The following LRRC69 variants were observed in gnomAD, a reference collection of about 807,000 sequenced individuals.
LRRC69 encodes leucine-rich repeat-containing protein 69.
LRRC69 carries 42 observed loss-of-function variants against 37.8 expected under a neutral mutation model. The ratio of observed to expected loss-of-function variants is 1.11; its 90% CI spans 0.87 to 1.44. The LOEUF is 1.44. Ranked by LOEUF, LRRC69 falls within the 40% of genes most tolerant of loss-of-function variation. The pLI is 0.00. For missense variants in LRRC69, 357 were observed against 401.9 expected (o/e 0.89, Z 0.96); for synonymous variants, 141 against 143.1 (o/e 0.99, Z 0.11).
chr8:91,215,942 A>G (rs1340231973), intron 7 of LRRC69, among the ~76,000 whole-genome samples: 1 of 152,210 alleles, frequency 6.6e-6, no homozygotes, highest in Non-Finnish European at 1.5e-5. Context: ...AAGGGCAGCA[A>G]GTGTTAAGGT....
At chr8:91,201,490 A>G (rs900099209) in intron 7 of LRRC69, among the ~76,000 whole-genome samples, 4 of 148,612 alleles carry the variant, frequency 2.7e-5, no homozygotes, top group Admixed American at 1.3e-4. Context: ...ATGTTAACAT[A>G]TCATGAAATA....
intron 3 of LRRC69, among the ~76,000 whole-genome samples, chr8:91,127,734 C>T (rs1181136288): frequency 6.6e-6 from 1 of 151,548 alleles, no homozygotes; most frequent in Admixed American, 6.6e-5. Context: ...TGGGCTTTTC[C>T]TCTGACAGAT....
At chr8:91,177,165 G>A (rs1019406535) in intron 5 of LRRC69, among the ~76,000 whole-genome samples, 3 of 151,944 alleles carry the variant, frequency 2.0e-5, no homozygotes, top group Non-Finnish European at 4.4e-5. Context: ...AACCATAGAT[G>A]GCAATTTTAA....
At chr8:91,189,738 T>G (rs1809462174) in intron 6 of LRRC69, 115 bp downstream of exon 6, 1 of 609,386 alleles carries the variant, frequency 1.6e-6, no homozygotes, top group Non-Finnish European at 2.7e-6. Flanking sequence ...GTAATCCTAG[T>G]CCATTGGCAA....
chr8:91,210,958 C>A (rs1157103088), intron 7 of LRRC69, among the ~76,000 whole-genome samples: 1 of 151,986 alleles, frequency 6.6e-6, no homozygotes, highest in East Asian at 1.9e-4. Context: ...AAACTATATA[C>A]CACCAAAGTT....
rs1808725538 is a variant in LRRC69 at position 91,150,978 on chromosome 8, TTTTC to T, written c.651+15243_651+15246del. ...GTGTCTGTTTCATTCTTCTCTCTTT[TTTTC>T]TTTATTAGTCTTGCTAGTGGTCTAT... On this transcript the variant is annotated intron_variant, in intron 5 of 7. Transcript: ENST00000448384. Among the ~76,000 whole-genome samples, 6 of 152,082 alleles carry T rather than the reference TTTTC, an allele frequency of 3.9e-5. No homozygotes were observed. In the South Asian group the frequency reaches 1.2e-3, roughly 31 times the overall value.
At chr8:91,136,741 A>G (rs1265828034) in intron 5 of LRRC69, among the ~76,000 whole-genome samples, 1 of 152,030 alleles carries the variant, frequency 6.6e-6, no homozygotes, top group African/African-American at 2.4e-5. Flanking sequence ...TGGCAACCAC[A>G]TATCTACTAT....
At chr8:91,156,917 A>G (rs938313441) in intron 5 of LRRC69, among the ~76,000 whole-genome samples, 1 of 151,306 alleles carries the variant, frequency 6.6e-6, no homozygotes, top group Non-Finnish European at 1.5e-5. Flanking sequence ...GTCAAAAATC[A>G]GTTGACTGTA....
chr8:91,204,986 A>AT (rs1423869583), intron 7 of LRRC69, among the ~76,000 whole-genome samples: 5 of 152,030 alleles, frequency 3.3e-5, no homozygotes, highest in Admixed American at 2.6e-4. Flanking sequence ...GATTTTTAAT[A>AT]TTTTTTTCCA....
intron 1 of LRRC69, among the ~76,000 whole-genome samples, chr8:91,112,200 G>T (rs1281356045): frequency 6.6e-6 from 1 of 152,012 alleles, no homozygotes; most frequent in African/African-American, 2.4e-5. Flanking sequence ...ATTCAGAAGT[G>T]GCTGTGACCT....
Position 91,109,819 on chromosome 8 carries a change from T to G in LRRC69, c.183+6975T>G, listed in dbSNP as rs186283140. On this transcript the variant is annotated intron_variant, in intron 1 of 7. Transcript: ENST00000448384. ...ATAATTGTTTTGAGAAATATGACTT[T>G]GTTAGGAAGTTACTGCAAAATTAAA... Among the ~76,000 whole-genome samples, 200 of 152,160 alleles carry G rather than the reference T, an allele frequency of 1.3e-3. 8 individuals are homozygous for G. The highest frequency in any genetic ancestry group is 3.4e-3 in the Middle Eastern group (1 of 294).
chr8:91,202,695 G>A (rs997265429), intron 7 of LRRC69, among the ~76,000 whole-genome samples: 7 of 152,190 alleles, frequency 4.6e-5, no homozygotes, highest in African/African-American at 4.8e-5. Flanking sequence ...ATAGGCAGGA[G>A]TGAGATCACA....
intron 7 of LRRC69, among the ~76,000 whole-genome samples, chr8:91,208,397 G>A (rs1418486412): frequency 6.6e-6 from 1 of 152,138 alleles, no homozygotes; most frequent in African/African-American, 2.4e-5. Flanking sequence ...ACAGAACCTT[G>A]GAGGGCAATA....
At chr8:91,178,748 T>C (rs750541298) in intron 5 of LRRC69, among the ~76,000 whole-genome samples, 1 of 152,232 alleles carries the variant, frequency 6.6e-6, no homozygotes, top group African/African-American at 2.4e-5. Flanking sequence ...TTTCACATTA[T>C]TTGAAGGGAC....
At chr8:91,180,213 G>T (rs1809300864) in intron 5 of LRRC69, among the ~76,000 whole-genome samples, 1 of 152,088 alleles carries the variant, frequency 6.6e-6, no homozygotes, top group Admixed American at 6.5e-5. Flanking sequence ...TCTAGCTCAG[G>T]GTCTCTCATG....
At chr8:91,160,686 C>G (rs58037018) in intron 5 of LRRC69, among the ~76,000 whole-genome samples, 69,937 of 150,916 alleles carry the variant, frequency 0.46, 17,879 homozygotes, top group South Asian at 0.65. Context: ...TGAGGCCTCT[C>G]CAGCCATGCC....
chr8:91,137,407 A>G (rs1171991920), intron 5 of LRRC69, among the ~76,000 whole-genome samples: 1 of 152,018 alleles, frequency 6.6e-6, no homozygotes, highest in Admixed American at 6.6e-5. Flanking sequence ...TTTGGATGGT[A>G]AACTTCCAGA....
At chr8:91,146,661 G>C (rs1299189722) in intron 5 of LRRC69, among the ~76,000 whole-genome samples, 1 of 151,712 alleles carries the variant, frequency 6.6e-6, no homozygotes, top group Non-Finnish European at 1.5e-5. Flanking sequence ...TTACAGAAAG[G>C]ATGGGTAGAT....
chr8:91,203,013 AT>A (rs201686758), intron 7 of LRRC69, among the ~76,000 whole-genome samples: 15 of 150,250 alleles, frequency 1.0e-4, no homozygotes, highest in African/African-American at 2.7e-4. Context: ...TGTAAAGCAG[AT>A]TTTTTTTTTA....
Sources: gnomAD v4.1 joint callset for allele counts (sites outside exome capture counted in the v4.1 genomes callset) on GRCh38, gnomAD v4.1.1 for gene constraint, MANE v1.5 for transcripts, NCBI Gene and HGNC (gene_info 2026-07-23, HGNC 2026-07-21) for gene names.